RAB10: variants seen among roughly 807,000 people sequenced by gnomAD.
The protein encoded by RAB10 is RAB10, member RAS oncogene family, also known as ras-related protein Rab-10.
RAB10 carries 5 observed loss-of-function variants against 25.7 expected under a neutral mutation model. That is an observed-to-expected ratio of 0.19 (90% CI 0.10 to 0.41). The LOEUF (loss-of-function observed/expected upper bound fraction) is 0.41. RAB10 is among the 10% of genes least tolerant of loss of function. The pLI, the probability that RAB10 is intolerant of heterozygous loss-of-function variation, is 1.00. For missense variants in RAB10, 103 were observed against 245.8 expected, an observed-to-expected ratio of 0.42 and a Z score of 3.89; for synonymous variants, 89 against 86.4, an observed-to-expected ratio of 1.03 and a Z score of -0.16.
intron 5 of RAB10, 122 bp from the exon 6 acceptor site, chr2:26,134,816 A>G (rs1318549942): frequency 5.6e-6 from 4 of 713,684 alleles, no homozygotes; most frequent in East Asian, 3.1e-5. Context: ...GGGGAAACCT[A>G]TCTCCTGTGA....
At chr2:26,130,623 T>C (rs1029112216) in intron 5 of RAB10, among the ~76,000 whole-genome samples, 3 of 152,118 alleles carry the variant, frequency 2.0e-5, no homozygotes, top group African/African-American at 7.2e-5. Flanking sequence ...TTCAGATTTT[T>C]TGGTAGAGAT....
At position 26,046,777 on chromosome 2, in the gene RAB10, A is replaced by G. The variant is rs530150653; in HGVS notation, c.127+12042A>G. 2.6e-5 allele frequency among the ~76,000 whole-genome samples: 4 copies of G among 152,348 alleles called. No homozygotes were observed. In the East Asian group the frequency reaches 7.7e-4, roughly 29 times the overall value. On this transcript the variant is annotated intron_variant, in intron 1 of 5. Transcript: ENST00000264710. ...GAGCTTCCAAGGTTTAAAACATTAG[A>G]AAATGGAAAAACCATTATTCTGGAG...
chr2:26,043,834 C>T (rs1457753918), intron 1 of RAB10, among the ~76,000 whole-genome samples: 1 of 152,124 alleles, frequency 6.6e-6, no homozygotes, highest in Non-Finnish European at 1.5e-5. Context: ...GGTTGTATAA[C>T]AGTGTGAATT....
chr2:26,083,376 C>A (rs1253789609), intron 1 of RAB10, among the ~76,000 whole-genome samples: 1 of 151,652 alleles, frequency 6.6e-6, no homozygotes, highest in Non-Finnish European at 1.5e-5. Flanking sequence ...TTTCTTTTTT[C>A]TCTTTTCTCT....
chr2:26,062,672 T>C (rs993339958), intron 1 of RAB10, among the ~76,000 whole-genome samples: 16 of 131,122 alleles, frequency 1.2e-4, no homozygotes, highest in South Asian at 1.0e-3. Context: ...AGCGAGACTC[T>C]GTCTCAAAAA....
intron 1 of RAB10, among the ~76,000 whole-genome samples, chr2:26,058,512 C>T (rs1666315688): frequency 6.6e-6 from 1 of 152,110 alleles, no homozygotes; most frequent in African/African-American, 2.4e-5. Flanking sequence ...GTCCTCCCAC[C>T]TCAGCCTCCT....
chr2:26,037,892 C>CT lies in RAB10; in HGVS notation c.127+3168dup, dbSNP rs925785556. Reference sequence around the variant, plus strand: ...TTGTTGGTGCTCCACTAAACAATTTCTTTTTTTTTTTGAGACGGAGTTTCG... The same window carrying CT: ...TTGTTGGTGCTCCACTAAACAATTTCTTTTTTTTTTTTGAGACGGAGTTTCG... On this transcript the variant is annotated intron_variant, in intron 1 of 5. Coordinates refer to ENST00000264710, the MANE Select transcript of RAB10 (RefSeq NM_016131.5). 9.6e-4 allele frequency among the ~76,000 whole-genome samples: 140 copies of CT among 145,884 alleles called. No individual in the cohort carries two copies. In the Middle Eastern group the frequency reaches 0.01, roughly 11 times the overall value.
chr2:26,052,576 T>G (rs1040856748), intron 1 of RAB10, among the ~76,000 whole-genome samples: 1 of 151,556 alleles, frequency 6.6e-6, no homozygotes, highest in Non-Finnish European at 1.5e-5. Flanking sequence ...TCAGATCACC[T>G]GCCTCGAATC....
chr2:26,058,015 G>T (rs948416079), intron 1 of RAB10, among the ~76,000 whole-genome samples: 5 of 152,212 alleles, frequency 3.3e-5, no homozygotes, highest in African/African-American at 1.2e-4. Context: ...TAAATGGAAA[G>T]ATGTGAACTG....
intron 1 of RAB10, among the ~76,000 whole-genome samples, chr2:26,062,420 G>A (rs1666419639): frequency 6.6e-6 from 1 of 152,130 alleles, no homozygotes; most frequent in African/African-American, 2.4e-5. Context: ...GCTCATGCCT[G>A]TAATCCCAGC....
rs114290717 is a variant in RAB10, at chr2:26,073,260, G to A, written c.128-25402G>A. On this transcript the variant is annotated intron_variant, in intron 1 of 5. Transcript: ENST00000264710. ...ATGGAAGGGCTAGAGGAACAAATGG[G>A]AGAAGGGGCTATTAACCAGAGATCA... Among the ~76,000 whole-genome samples, 634 of 152,352 alleles carry A rather than the reference G, an allele frequency of 4.2e-3. 3 individuals carry two copies. The highest frequency in any genetic ancestry group is 0.015 in the African/African-American group (612 of 41,582).
intron 1 of RAB10, among the ~76,000 whole-genome samples, chr2:26,047,746 CAG>C (rs765795398): frequency 1.7e-3 from 134 of 77,824 alleles, no homozygotes; most frequent in Middle Eastern, 0.015. Context: ...TTTTTTGAGA[CAG>C]AGTCTCACTT....
At position 26,095,701 on chromosome 2, in the gene RAB10, A is replaced by G. The variant is rs377489121; in HGVS notation, c.128-2961A>G. Among the ~76,000 whole-genome samples the G allele has an allele frequency of 3.3e-5, 5 of 152,166 alleles. No individual in the cohort carries two copies. In the East Asian group the frequency reaches 9.7e-4, roughly 29 times the overall value. On this transcript the variant is annotated intron_variant, in intron 1 of 5. Coordinates refer to ENST00000264710, the MANE Select transcript of RAB10 (RefSeq NM_016131.5). ...TGTGGCAAGAGGATCACTTGAGCCC[A>G]GGAGTTGGAGCACCAGCCTGGGCAA...
At chr2:26,042,927 A>G (rs1665922708) in intron 1 of RAB10, 1 of 152,164 alleles carries the variant, frequency 6.6e-6, no homozygotes, top group Non-Finnish European at 1.5e-5. Context: ...GCGACCATTT[A>G]GGATAGTTAT....
Position 26,126,041 on chromosome 2 carries a change from T to A in RAB10, c.328-1103T>A, listed in dbSNP as rs1020561719. Among the ~76,000 whole-genome samples the A allele has an allele frequency of 5.9e-5, 9 of 152,334 alleles. No homozygotes were observed. In the East Asian group the frequency reaches 1.7e-3, roughly 29 times the overall value. Reference sequence around the variant, plus strand: ...TTCAAGTTAATTTTTTTATATGGTTTAAAATAAGGATCCAGCTTCATTGTT... The same window carrying A: ...TTCAAGTTAATTTTTTTATATGGTTAAAAATAAGGATCCAGCTTCATTGTT... On this transcript the variant is annotated intron_variant, in intron 3 of 5. Transcript: ENST00000264710.
intron 2 of RAB10, among the ~76,000 whole-genome samples, chr2:26,108,190 GA>G (rs1333220925): frequency 1.3e-5 from 2 of 152,188 alleles, no homozygotes; most frequent in Non-Finnish European, 2.9e-5. Flanking sequence ...TGTCCACATA[GA>G]AACCTGTAAA....
chr2:26,100,080 G>A (rs1667312623), intron 2 of RAB10, among the ~76,000 whole-genome samples: 1 of 152,054 alleles, frequency 6.6e-6, no homozygotes. Context: ...ACTATTTCTA[G>A]GCTTACTGAT....
intron 1 of RAB10, among the ~76,000 whole-genome samples, chr2:26,087,400 T>C (rs113961997): frequency 1.4e-4 from 21 of 152,204 alleles, no homozygotes; most frequent in African/African-American, 2.7e-4. Flanking sequence ...GCTGCTGCTG[T>C]TGTTGGTGTT....
chr2:26,116,901 G>A (rs1667701532), intron 3 of RAB10, among the ~76,000 whole-genome samples: 1 of 150,718 alleles, frequency 6.6e-6, no homozygotes, highest in Admixed American at 6.6e-5. Context: ...GTCTTGCTGT[G>A]TTGCCCAGGA....
Sources: gnomAD v4.1 joint callset for allele counts (sites outside exome capture counted in the v4.1 genomes callset) on GRCh38, gnomAD v4.1.1 for gene constraint, MANE v1.5 for transcripts, NCBI Gene and HGNC (gene_info 2026-07-23, HGNC 2026-07-21) for gene names.